The following TMEM178B variants were observed in gnomAD, a reference collection of about 807,000 sequenced individuals.
TMEM178B encodes the protein transmembrane protein 178B.
In TMEM178B, 5 loss-of-function variants were observed where a neutral mutation model predicts 31.0. The ratio of observed to expected loss-of-function variants is 0.16; its 90% CI spans 0.08 to 0.34. The LOEUF is 0.34. TMEM178B is among the 10% of genes least tolerant of loss of function. TMEM178B has a pLI of 1.00. For synonymous variants in TMEM178B, 164 were observed against 164.0 expected (o/e 1.00, Z 0.00); for missense variants, 275 against 400.3 (o/e 0.69, Z 2.67).
chr7:141,219,709 T>C, intron 2 of TMEM178B, among the ~76,000 whole-genome samples: 1 of 152,158 alleles, frequency 6.6e-6, no homozygotes, highest in Non-Finnish European at 1.5e-5. Flanking sequence ...TCTGGTGGTA[T>C]TTATGCACCA....
intron 2 of TMEM178B, among the ~76,000 whole-genome samples, chr7:141,418,216 G>A (rs1164272686): frequency 1.3e-5 from 2 of 152,118 alleles, no homozygotes; most frequent in Non-Finnish European, 2.9e-5. Context: ...ACTCACTGCT[G>A]CTCCATTTCC....
chr7:141,291,575 A>G (rs1798546341), intron 2 of TMEM178B, among the ~76,000 whole-genome samples: 1 of 152,184 alleles, frequency 6.6e-6, no homozygotes, highest in Non-Finnish European at 1.5e-5. Context: ...ATTGACATCA[A>G]GGCTCACAAT....
intron 1 of TMEM178B, among the ~76,000 whole-genome samples, chr7:141,194,076 C>G (rs1796741620): frequency 1.3e-5 from 2 of 152,196 alleles, no homozygotes; most frequent in Admixed American, 1.3e-4. Flanking sequence ...CCCTGGGGCC[C>G]TCTCATAACA....
intron 2 of TMEM178B, among the ~76,000 whole-genome samples, chr7:141,393,057 T>C (rs530043054): frequency 6.6e-6 from 1 of 152,184 alleles, no homozygotes; most frequent in Non-Finnish European, 1.5e-5. Context: ...TGTGCTTTTG[T>C]GGCACATTTA....
intron 3 of TMEM178B, among the ~76,000 whole-genome samples, chr7:141,453,034 G>T (rs1395261110): frequency 6.6e-6 from 1 of 152,216 alleles, no homozygotes; most frequent in Non-Finnish European, 1.5e-5. Flanking sequence ...GCCTATTGAA[G>T]CCTGAAGCTG....
At chr7:141,332,332 C>T (rs1354333509) in intron 2 of TMEM178B, among the ~76,000 whole-genome samples, 1 of 152,322 alleles carries the variant, frequency 6.6e-6, no homozygotes. Context: ...AAGCCTCCGT[C>T]GGCTCACTAC....
chr7:141,103,485 T>C (rs1003777396), intron 1 of TMEM178B, among the ~76,000 whole-genome samples: 1 of 152,204 alleles, frequency 6.6e-6, no homozygotes, highest in Non-Finnish European at 1.5e-5. Flanking sequence ...TACACTATAA[T>C]CTATTGATTT....
At chr7:141,348,292 GT>G (rs2116523939) in intron 2 of TMEM178B, among the ~76,000 whole-genome samples, 1 of 152,340 alleles carries the variant, frequency 6.6e-6, no homozygotes, top group South Asian at 2.1e-4. Context: ...TTGTGTGACA[GT>G]TTTCTAAACT....
chr7:141,504,777 A>AT, the TMEM178B span, among the ~76,000 whole-genome samples: 1 of 152,224 alleles, frequency 6.6e-6, no homozygotes, highest in African/African-American at 2.4e-5. Context: ...TGACGCTTTA[A>AT]TGCACCCATC....
At chr7:141,170,225 C>A (rs942509338) in intron 1 of TMEM178B, among the ~76,000 whole-genome samples, 5 of 152,060 alleles carry the variant, frequency 3.3e-5, no homozygotes, top group African/African-American at 1.2e-4. Context: ...TATTGTTATT[C>A]ATATGTTTGT....
rs182552207 is a variant in TMEM178B, at chr7:141,104,127, A to T, written c.382+29435A>T. Among the ~76,000 whole-genome samples the T allele has an allele frequency of 7.9e-5, 12 of 152,346 alleles. No homozygotes were observed. In the East Asian group the frequency reaches 1.9e-3, roughly 24 times the overall value. On this transcript the variant is annotated intron_variant, in intron 1 of 3. Transcript: ENST00000565468. ...AGGTCAGAAATTTTATGAGTTTTGA[A>T]TGTAAAACAAACATGATTTGCTTTT...
At chr7:141,278,569 G>A (rs1343365765) in intron 2 of TMEM178B, among the ~76,000 whole-genome samples, 3 of 151,924 alleles carry the variant, frequency 2.0e-5, no homozygotes, top group African/African-American at 7.3e-5. Context: ...GTGACAGAGC[G>A]AGACTCTGTC....
chr7:141,198,323 T>A (rs1220120757), intron 1 of TMEM178B, among the ~76,000 whole-genome samples: 2 of 152,016 alleles, frequency 1.3e-5, no homozygotes, highest in Non-Finnish European at 2.9e-5. Context: ...GCCAGCAGAG[T>A]GTCTGCCATC....
At chr7:141,394,168 C>G (rs1020044318) in intron 2 of TMEM178B, among the ~76,000 whole-genome samples, 2 of 152,186 alleles carry the variant, frequency 1.3e-5, no homozygotes, top group Non-Finnish European at 2.9e-5. Context: ...ACAATCACAG[C>G]CGTGCCCTCT....
At chr7:141,466,390 T>C (rs1395485482) in intron 3 of TMEM178B, among the ~76,000 whole-genome samples, 1 of 152,200 alleles carries the variant, frequency 6.6e-6, no homozygotes, top group African/African-American at 2.4e-5. Context: ...CCGGACCTTA[T>C]CCCTTCACTC....
the TMEM178B span, among the ~76,000 whole-genome samples, chr7:141,491,851 G>A: frequency 5.9e-5 from 9 of 152,220 alleles, no homozygotes; most frequent in East Asian, 3.9e-4. Flanking sequence ...ATGCCATCGC[G>A]TGCCCTTTCA....
At chr7:141,183,937 C>G (rs577702273) in intron 1 of TMEM178B, among the ~76,000 whole-genome samples, 1 of 152,192 alleles carries the variant, frequency 6.6e-6, no homozygotes, top group Non-Finnish European at 1.5e-5. Flanking sequence ...AGAAGCATCA[C>G]GTTCAGACAC....
intron 2 of TMEM178B, among the ~76,000 whole-genome samples, chr7:141,336,675 T>C (rs1166763177): frequency 6.6e-6 from 1 of 151,800 alleles, no homozygotes; most frequent in Non-Finnish European, 1.5e-5. Flanking sequence ...TGCATAGTTA[T>C]ACTGCTCATA....
rs1014261930 is a variant in TMEM178B, at chr7:141,260,152, C to T, written c.496+47448C>T. On this transcript the variant is annotated intron_variant, in intron 2 of 3. Transcript: ENST00000565468. ...TTGACCTTCCTCATTTATTTGCCAC[C>T]GAGATTGCTACTGTTTATGACAATG... is the stretch of plus-strand genomic sequence containing the variant. Among the ~76,000 whole-genome samples, 8 of 152,066 alleles carry T rather than the reference C, an allele frequency of 5.3e-5. No homozygotes were observed. The East Asian group carries it at 5.8e-4, about 11-fold the overall frequency.
Sources: allele counts gnomAD v4.1 joint callset (sites outside exome capture counted in the v4.1 genomes callset), GRCh38; gene constraint gnomAD v4.1.1; transcripts MANE v1.5; gene names NCBI Gene and HGNC (gene_info 2026-07-23, HGNC 2026-07-21).